The following MPP1 variants were observed in gnomAD, a reference collection of about 807,000 sequenced individuals.
The protein encoded by MPP1 is 55 kDa erythrocyte membrane protein.
Under a neutral mutation model 38.2 loss-of-function variants are expected in MPP1, and 6 were observed. The observed-to-expected ratio is 0.16, with a 90% CI of 0.09 to 0.31. The LOEUF (loss-of-function observed/expected upper bound fraction) is 0.31, where lower values mean the gene tolerates loss of function less well. Among genes scored for constraint, MPP1 ranks in the 10% least tolerant of loss-of-function variants. The pLI, the probability that MPP1 is intolerant of heterozygous loss-of-function variation, is 1.00. For missense variants in MPP1, 293 were observed against 368.9 expected (o/e 0.79, Z 1.69); for synonymous variants, 153 against 146.3 (o/e 1.05, Z -0.33).
chrX:154,784,608 G>A (rs782151592), intron 7 of MPP1: 4 of 239,402 alleles, frequency 1.7e-5, no homozygotes, highest in East Asian at 1.1e-4. Flanking sequence ...TGCACGTGAC[G>A]TCTCAGAAAA....
At chrX:154,794,982 G>A (rs1318607357) in intron 1 of MPP1, among the ~76,000 whole-genome samples, 10 of 111,583 alleles carry the variant, frequency 9.0e-5, no homozygotes, top group Non-Finnish European at 1.9e-4. Flanking sequence ...CAAGCCTGTG[G>A]TCCCAGCTAC....
intron 11 of MPP1, among the ~76,000 whole-genome samples, chrX:154,780,366 C>T (rs2148521972): frequency 8.9e-6 from 1 of 112,441 alleles, no homozygotes; most frequent in Admixed American, 9.4e-5. Context: ...AATAACTCAG[C>T]AGAAAAATGA....
intron 6 of MPP1, among the ~76,000 whole-genome samples, chrX:154,785,889 G>A (rs1212591932): frequency 5.3e-5 from 6 of 112,363 alleles, no homozygotes; most frequent in Non-Finnish European, 9.4e-5. Context: ...TGGTAGAAGC[G>A]CACTAGCTTG....
Position 154,790,002 on chromosome X carries a change from G to A in MPP1, c.432C>T (p.Ile144=). The part of the protein sequence containing the change: ...QKAMKETKGM[I]SLKVIPNQQS... ...GCTGGTTGGGAATTACTTTTAATGAGATCATTCCTTTGGTTTCTTTCTATT... is the reference window on the plus strand; with the variant it reads ...GCTGGTTGGGAATTACTTTTAATGAAATCATTCCTTTGGTTTCTTTCTATT... The change falls in exon 5 of 12, where the codon ATC becomes ATT. Residue 144 remains isoleucine (I), a synonymous_variant. Transcript: ENST00000369534. 2 of 1,192,972 alleles carry A rather than the reference G, an allele frequency of 1.7e-6. No individual in the cohort carries two copies. The highest frequency in any genetic ancestry group is 3.6e-5 in the South Asian group (2 of 55,545).
intron 7 of MPP1, 96 bp downstream of exon 7, chrX:154,784,955 C>T (rs370924323): frequency 2.9e-5 from 22 of 746,114 alleles, no homozygotes; most frequent in African/African-American, 1.2e-4. Context: ...CCTTCTGCTG[C>T]GCACTGCACC....
Position 154,805,383 on chromosome X carries a change from G to A in MPP1, c.-10C>T. The stretch of plus-strand genomic sequence containing the variant: ...TCGCCTTGAGGGTCATCTCGCAGAA[G>A]CTGGAACACTGGAACGCAAGACAGG... On this transcript the variant is annotated 5_prime_UTR_variant, in exon 1 of 12. Coordinates refer to ENST00000369534, the MANE Select transcript of MPP1 (RefSeq NM_002436.4). 1 of 1,184,942 alleles carries A rather than the reference G, an allele frequency of 8.4e-7. No individual in the cohort carries two copies. The highest frequency in any genetic ancestry group is 1.1e-6 in the Non-Finnish European group (1 of 879,017).
At chrX:154,791,205 T>C (rs1009064824) in intron 3 of MPP1, 137 bp from the exon 4 acceptor site, 10 of 538,330 alleles carry the variant, frequency 1.9e-5, no homozygotes, top group Non-Finnish European at 3.1e-5. Flanking sequence ...TACTCAGGAT[T>C]GAAAACATTT....
At chrX:154,789,326 C>T (rs1394065659) in intron 5 of MPP1, among the ~76,000 whole-genome samples, 2 of 111,879 alleles carry the variant, frequency 1.8e-5, no homozygotes, top group Non-Finnish European at 3.8e-5. Flanking sequence ...AACCATTTCT[C>T]TTTATATCAC....
intron 7 of MPP1, among the ~76,000 whole-genome samples, chrX:154,784,411 T>A (rs1481101620): frequency 9.0e-6 from 1 of 110,958 alleles, no homozygotes; most frequent in Admixed American, 9.6e-5. Context: ...GTATCAGATG[T>A]TCCCTTGGCA....
intron 11 of MPP1, among the ~76,000 whole-genome samples, chrX:154,780,835 T>TTTGATATA (rs1294837269): frequency 9.0e-6 from 1 of 111,120 alleles, no homozygotes; most frequent in African/African-American, 3.3e-5. Context: ...GGGTAGGCTT[T>TTTGATATA]TTGATATATT....
chrX:154,785,211 C>CG (rs1461420048), intron 6 of MPP1, 54 bp from the exon 7 acceptor site: 38 of 910,910 alleles, frequency 4.2e-5, no homozygotes, highest in Non-Finnish European at 5.7e-5. Context: ...CCCTCATACC[C>CG]CCCCCAGCCA....
chrX:154,791,937 T>C, intron 2 of MPP1, 90 bp from the exon 3 acceptor site: 1 of 1,017,390 alleles, frequency 9.8e-7, no homozygotes, highest in East Asian at 3.1e-5. Flanking sequence ...CTCAGGAAAA[T>C]ATTTTCCATT....
chrX:154,802,143 G>C (rs5987030), intron 1 of MPP1, among the ~76,000 whole-genome samples: 1,393 of 112,307 alleles, frequency 0.012, 26 homozygotes, highest in African/African-American at 0.043. Flanking sequence ...CCTCTGCCCA[G>C]GTACCACCTG....
chrX:154,781,516 C>T (rs2072001179), intron 10 of MPP1, 84 bp downstream of exon 10: 2 of 1,038,628 alleles, frequency 1.9e-6, no homozygotes, highest in Non-Finnish European at 1.3e-6. Context: ...ATCCTGAGCC[C>T]CCAGAAGATT....
intron 11 of MPP1, among the ~76,000 whole-genome samples, chrX:154,779,597 A>G (rs1330237141): frequency 8.9e-6 from 1 of 112,711 alleles, no homozygotes; most frequent in African/African-American, 3.2e-5. Flanking sequence ...TGGAGGACCA[A>G]TAGCTATGCA....
intron 1 of MPP1, among the ~76,000 whole-genome samples, chrX:154,799,024 A>G (rs1028196374): frequency 8.9e-6 from 1 of 111,787 alleles, no homozygotes; most frequent in Admixed American, 9.5e-5. Flanking sequence ...GTGAGCCACC[A>G]TGCCTAGCTA....
intron 2 of MPP1, 64 bp downstream of exon 2, chrX:154,792,078 C>T: frequency 8.5e-7 from 1 of 1,181,437 alleles, no homozygotes; most frequent in Non-Finnish European, 1.1e-6. Context: ...TGCATTGACT[C>T]TTCTGGCCCA....
At chrX:154,791,219 T>A in intron 3 of MPP1, 151 bp from the exon 4 acceptor site, 1 of 507,911 alleles carries the variant, frequency 2.0e-6, no homozygotes. Flanking sequence ...AACATTTGAC[T>A]TGACAGTTTA....
At position 154,779,329 on chromosome X, in the gene MPP1, T is replaced by C. The variant is rs1557266333; in HGVS notation, c.1249A>G (p.Lys417Glu). ...TQTEALQQLQ[K>E]DSEAIRSQYA... ...TGGCTGCGGATGGCCTCAGAGTCCT[T>C]CTGCAGCTGCTGCAGGGCTTCTGTC... Residue 417 changes from lysine to glutamate, a missense_variant, in exon 12 of 12, where the codon AAG becomes GAG. Coordinates refer to ENST00000369534, the MANE Select transcript of MPP1 (RefSeq NM_002436.4). The C allele has an allele frequency of 3.3e-6, 4 of 1,209,471 alleles. No individual in the cohort carries two copies. The Admixed American group carries it at 6.6e-5, about 20-fold the overall frequency.
Sources: allele counts gnomAD v4.1 joint callset (sites outside exome capture counted in the v4.1 genomes callset), GRCh38; gene constraint gnomAD v4.1.1; transcripts MANE v1.5; gene names NCBI Gene and HGNC (gene_info 2026-07-23, HGNC 2026-07-21).